CCNB2: variants seen among roughly 807,000 people sequenced by gnomAD.
CCNB2 encodes G2/mitotic-specific cyclin-B2.
In CCNB2, 39 loss-of-function variants were observed where a neutral mutation model predicts 51.1. That is an observed-to-expected ratio of 0.76 (90% confidence interval 0.59 to 1.00). The LOEUF is 1.00. Ranked by LOEUF, CCNB2 falls within the 50% of genes least tolerant of loss-of-function variation. CCNB2 has a pLI of 0.00. For synonymous variants in CCNB2, 174 were observed against 165.5 expected, an observed-to-expected ratio of 1.05 and a Z score of -0.40; for missense variants, 472 against 470.3, an observed-to-expected ratio of 1.00 and a Z score of -0.03.
In CCNB2 at chr15:59,114,710, A is replaced by G; in HGVS notation, c.439-8A>G. ...GTCAGCTTTTTAAACTTTTGATTCT[A>G]CCCACAGGTTTTGCAGTCCATAAAC... On this transcript the variant is annotated splice_region_variant and splice_polypyrimidine_tract_variant and intron_variant, in intron 4 of 8. Transcript: ENST00000288207. 6.2e-7 allele frequency: 1 copy of G among 1,603,440 alleles called. No homozygotes were observed. The highest frequency in any genetic ancestry group is 8.5e-7 in the Non-Finnish European group (1 of 1,172,292).
intron 1 of CCNB2, 110 bp downstream of exon 1, chr15:59,105,402 C>T (rs888124526): frequency 4.8e-6 from 6 of 1,252,516 alleles, no homozygotes; most frequent in Admixed American, 4.1e-5. Flanking sequence ...GGCTGCTTTT[C>T]TCTTCTCCGG....
At chr15:59,122,512 A>C (rs1263601364) in intron 7 of CCNB2, among the ~76,000 whole-genome samples, 1 of 149,496 alleles carries the variant, frequency 6.7e-6, no homozygotes, top group East Asian at 1.9e-4. Context: ...GGCGTGAGCC[A>C]CTGCGCCTGG....
intron 7 of CCNB2, chr15:59,121,049 G>C (rs1388349007): frequency 4.6e-5 from 7 of 151,460 alleles, no homozygotes; most frequent in African/African-American, 1.7e-4. Context: ...AAAAAAAAAA[G>C]TCACTGGTGA....
intron 2 of CCNB2, 28 bp downstream of exon 2, chr15:59,107,478 T>C: frequency 6.2e-7 from 1 of 1,614,042 alleles, no homozygotes; most frequent in South Asian, 1.1e-5. Context: ...TGAATGTGAA[T>C]ACAGAGGCCG....
intron 3 of CCNB2, 58 bp from the exon 4 acceptor site, chr15:59,114,386 C>A: frequency 7.5e-7 from 1 of 1,340,958 alleles, no homozygotes; most frequent in Non-Finnish European, 1.0e-6. Context: ...AGCCAGTTGG[C>A]TCTGCATGTA....
rs535171098 is a variant in CCNB2 at position 59,117,495 on chromosome 15, G to T, written c.975+127G>T. On this transcript the variant is annotated intron_variant, in intron 7 of 8. Coordinates refer to ENST00000288207, the MANE Select transcript of CCNB2 (RefSeq NM_004701.4). ...TTTTGTTTTGTGTTTTTGAGACAGG[G>T]TCTCATTCTGTCACGTAGGCTGGAG... 1.2e-5 allele frequency: 11 copies of T among 949,184 alleles called. 1 individual carries two copies. Among genetic ancestry groups the T allele is most frequent in the Admixed American group, 9.0e-5 (4 of 44,384 alleles). The allele number at this position is 949,184 out of a possible 1,614,324, so 58.8% of individuals were successfully genotyped here.
In CCNB2 at chr15:59,114,891, A is replaced by G. The variant is rs1302774355; in HGVS notation, c.597+15A>G. The G allele has an allele frequency of 6.9e-6, 11 of 1,603,774 alleles. No individual in the cohort carries two copies. The highest frequency in any genetic ancestry group is 1.3e-5 in the African/African-American group (1 of 74,768). On this transcript the variant is annotated intron_variant, in intron 5 of 8. Transcript: ENST00000288207. ...GATTTTTACAGGTAGGTGTGGCTTC[A>G]GGGACTTCACGCCAGTGGCTCATTG...
At chr15:59,116,522 A>G (rs1219466782) in intron 5 of CCNB2, among the ~76,000 whole-genome samples, 168 bp from the exon 6 acceptor site, 3 of 82,892 alleles carry the variant, frequency 3.6e-5, no homozygotes, top group African/African-American at 1.2e-4. Flanking sequence ...CACAGTGCTC[A>G]ATTACAGATA....
At chr15:59,117,105 T>C in intron 6 of CCNB2, 123 bp from the exon 7 acceptor site, 3 of 1,070,788 alleles carry the variant, frequency 2.8e-6, no homozygotes, top group Non-Finnish European at 4.2e-6. Flanking sequence ...TAGTGTGGAA[T>C]AGAGTAATTC....
chr15:59,114,830 A>G lies in CCNB2; in HGVS notation c.551A>G (p.Gln184Arg). The G allele has an allele frequency of 1.2e-6, 2 of 1,614,234 alleles. No homozygotes were observed. The highest frequency in any genetic ancestry group is 1.7e-6 in the Non-Finnish European group (2 of 1,180,032). The change falls in exon 5 of 9, where the codon CAG becomes CGG. Residue 184 changes from glutamine (Q) to arginine (R), a missense_variant. By Grantham distance (43) the Gln-to-Arg change is conservative. Coordinates refer to ENST00000288207, the MANE Select transcript of CCNB2 (RefSeq NM_004701.4). ...VQVHSKFRLL[Q>R]ETLYMCVGIM... ...GTCCACTCCAAGTTTAGGCTTCTGC[A>G]GGAGACTCTGTACATGTGCGTTGGC...
chr15:59,109,822 T>C (rs952755166), intron 3 of CCNB2, among the ~76,000 whole-genome samples: 3 of 151,976 alleles, frequency 2.0e-5, no homozygotes, highest in Non-Finnish European at 4.4e-5. Context: ...CCGTCTCTAC[T>C]AAAAATACAA....
intron 3 of CCNB2, among the ~76,000 whole-genome samples, chr15:59,112,615 G>T (rs1181350865): frequency 1.3e-5 from 2 of 152,056 alleles, no homozygotes; most frequent in Non-Finnish European, 2.9e-5. Flanking sequence ...AAAGTGCTGG[G>T]ATTATAGGCG....
At chr15:59,124,336 C>T (rs2079316163) in intron 8 of CCNB2, 1 of 206,026 alleles carries the variant, frequency 4.9e-6, no homozygotes, top group Admixed American at 5.4e-5. Context: ...TGTGTTCAGT[C>T]CTGAGAGGAC....
chr15:59,108,189 C>T (rs980942332), intron 3 of CCNB2, among the ~76,000 whole-genome samples: 4 of 152,024 alleles, frequency 2.6e-5, no homozygotes, highest in East Asian at 1.9e-4. Flanking sequence ...GGTACCAAAG[C>T]GGATATGGAC....
At chr15:59,108,383 C>T (rs760153430) in intron 3 of CCNB2, among the ~76,000 whole-genome samples, 1 of 152,140 alleles carries the variant, frequency 6.6e-6, no homozygotes, top group Non-Finnish European at 1.5e-5. Flanking sequence ...ATGATGAAAA[C>T]AATGTAGGGA....
intron 7 of CCNB2, among the ~76,000 whole-genome samples, chr15:59,119,582 G>A (rs2079293794): frequency 1.3e-5 from 2 of 152,050 alleles, no homozygotes; most frequent in Non-Finnish European, 2.9e-5. Context: ...TACTTAGTAG[G>A]TTCATTGTTA....
rs1321772492 is a variant in CCNB2, at chr15:59,105,201, A to G, written c.-68A>G. ...CAGTCCTAACGGCGCCTCGTACGCT[A>G]GTGTCCTCCCTTTTCAGTCCGCGTC... is the stretch of plus-strand genomic sequence containing the variant. On this transcript the variant is annotated 5_prime_UTR_variant, in exon 1 of 9. Transcript: ENST00000288207. 6.1e-6 allele frequency: 9 copies of G among 1,469,214 alleles called. No individual in the cohort carries two copies. Among genetic ancestry groups the G allele is most frequent in the Non-Finnish European group, 6.5e-6 (7 of 1,077,876 alleles). The allele number at this position is 1,469,214 out of a possible 1,614,324, so 91.0% of individuals were successfully genotyped here.
intron 8 of CCNB2, chr15:59,123,892 T>A (rs913099544): frequency 3.9e-5 from 15 of 386,262 alleles, no homozygotes; most frequent in Non-Finnish European, 7.3e-5. Context: ...AGTCGGTTAC[T>A]CAATGTATTG....
intron 7 of CCNB2, among the ~76,000 whole-genome samples, chr15:59,122,357 T>G (rs1309488315): frequency 6.9e-6 from 1 of 144,776 alleles, no homozygotes; most frequent in Non-Finnish European, 1.5e-5. Context: ...CCAGCGATTC[T>G]CCTGCCTCAG....
Sources: allele counts gnomAD v4.1 joint callset (sites outside exome capture counted in the v4.1 genomes callset), GRCh38; gene constraint gnomAD v4.1.1; transcripts MANE v1.5; gene names NCBI Gene and HGNC (gene_info 2026-07-23, HGNC 2026-07-21).